The following CSMD1 variants were observed in gnomAD, a reference collection of about 807,000 sequenced individuals.
The protein encoded by CSMD1 is CUB and sushi domain-containing protein 1.
Under a neutral mutation model 417.5 loss-of-function variants are expected in CSMD1, and 213 were observed. The observed-to-expected ratio is 0.51, with a 90% CI of 0.46 to 0.57. The LOEUF (loss-of-function observed/expected upper bound fraction) is 0.57. Among genes scored for constraint, CSMD1 ranks in the 20% least tolerant of loss-of-function variants. CSMD1 has a pLI of 0.00. For synonymous variants in CSMD1, 2,862 were observed against 1,736.8 expected (o/e 1.65, Z -16.11); for missense variants, 6,923 against 4,529.7 (o/e 1.53, Z -15.17).
chr8:3,503,120 T>C (rs1030852974), intron 10 of CSMD1, among the ~76,000 whole-genome samples: 1 of 152,202 alleles, frequency 6.6e-6, no homozygotes, highest in Non-Finnish European at 1.5e-5. Flanking sequence ...CACATACCAA[T>C]AGCCCACAGT....
At chr8:4,076,024 T>A (rs1044373102) in intron 3 of CSMD1, among the ~76,000 whole-genome samples, 5 of 152,166 alleles carry the variant, frequency 3.3e-5, no homozygotes, top group African/African-American at 4.8e-5. Context: ...TTAATTCCTA[T>A]AAATATTATG....
intron 50 of CSMD1, among the ~76,000 whole-genome samples, chr8:3,049,493 G>A (rs1055162942): frequency 3.9e-5 from 6 of 152,132 alleles, no homozygotes; most frequent in Non-Finnish European, 8.8e-5. Flanking sequence ...AAGGCTAGGT[G>A]CCAGATGATT....
At chr8:4,146,912 A>G (rs1236870470) in intron 3 of CSMD1, among the ~76,000 whole-genome samples, 1 of 144,230 alleles carries the variant, frequency 6.9e-6, no homozygotes, top group Admixed American at 6.7e-5. Context: ...CGCACCGGCC[A>G]GACACACTGA....
intron 3 of CSMD1, among the ~76,000 whole-genome samples, chr8:4,076,993 T>C (rs797009866): frequency 1.3e-5 from 2 of 152,270 alleles, no homozygotes; most frequent in African/African-American, 2.4e-5. Flanking sequence ...GAAGAATAAA[T>C]TCCAGCTAAT....
At chr8:4,925,555 CT>C (rs1173211677) in intron 1 of CSMD1, among the ~76,000 whole-genome samples, 5 of 130,382 alleles carry the variant, frequency 3.8e-5, no homozygotes, top group East Asian at 2.3e-4. Context: ...TTTCTTTTTT[CT>C]TTTTTTTTGA....
intron 1 of CSMD1, among the ~76,000 whole-genome samples, chr8:4,727,084 G>A (rs1426712309): frequency 1.3e-5 from 2 of 151,970 alleles, no homozygotes; most frequent in African/African-American, 2.4e-5. Context: ...GCTTTCTACC[G>A]GCTGAGTAGG....
intron 3 of CSMD1, among the ~76,000 whole-genome samples, chr8:4,293,197 G>A (rs796820630): frequency 1.2e-4 from 19 of 152,278 alleles, no homozygotes; most frequent in African/African-American, 4.3e-4. Flanking sequence ...CACAGAGAGA[G>A]GAAGAGAGCC....
At chr8:3,394,176 A>G (rs1251151907) in intron 17 of CSMD1, among the ~76,000 whole-genome samples, 1 of 145,918 alleles carries the variant, frequency 6.9e-6, no homozygotes, top group Non-Finnish European at 1.5e-5. Flanking sequence ...GAATACCAAA[A>G]CATAGGGTAG....
intron 7 of CSMD1, among the ~76,000 whole-genome samples, chr8:3,636,632 A>G (rs1225690967): frequency 6.6e-6 from 1 of 152,180 alleles, no homozygotes; most frequent in Non-Finnish European, 1.5e-5. Flanking sequence ...CCCACCCTAC[A>G]AAACAAATCA....
At chr8:4,281,678 T>C (rs560025009) in intron 3 of CSMD1, among the ~76,000 whole-genome samples, 17 of 152,306 alleles carry the variant, frequency 1.1e-4, no homozygotes, top group African/African-American at 3.8e-4. Context: ...GTAACATCTG[T>C]ATGTGATAAC....
In CSMD1 at chr8:3,834,214, T is replaced by C. The variant is rs147243415; in HGVS notation, c.819-80172A>G. 1.7e-3 allele frequency among the ~76,000 whole-genome samples: 265 copies of C among 152,334 alleles called. 2 individuals are homozygous for C. In the East Asian group the frequency reaches 0.018, roughly 10 times the overall value. On this transcript the variant is annotated intron_variant, in intron 5 of 69. Transcript: ENST00000635120. ...TTATTTTAAAATTTTTTTTCTTTTATTTTGTAAAGAATTGCTCCTAAGGCC... is the reference window on the plus strand; with the variant it reads ...TTATTTTAAAATTTTTTTTCTTTTACTTTGTAAAGAATTGCTCCTAAGGCC...
chr8:3,899,969 T>G (rs894412717), intron 5 of CSMD1, among the ~76,000 whole-genome samples: 7 of 152,264 alleles, frequency 4.6e-5, no homozygotes, highest in Admixed American at 4.6e-4. Flanking sequence ...TGCTCTCCAC[T>G]GGGCTTGTTG....
At chr8:4,311,502 C>G (rs540232084) in intron 3 of CSMD1, among the ~76,000 whole-genome samples, 1 of 152,102 alleles carries the variant, frequency 6.6e-6, no homozygotes, top group Non-Finnish European at 1.5e-5. Flanking sequence ...TTGGGCAGAT[C>G]ACCTGAGATC....
At chr8:3,940,655 T>C (rs1231186948) in intron 5 of CSMD1, among the ~76,000 whole-genome samples, 3 of 151,962 alleles carry the variant, frequency 2.0e-5, no homozygotes, top group Middle Eastern at 3.2e-3. Flanking sequence ...TTGTTTGGGT[T>C]TCCTAGATGT....
At chr8:3,302,076 C>A (rs1423407647) in intron 25 of CSMD1, among the ~76,000 whole-genome samples, 1 of 151,974 alleles carries the variant, frequency 6.6e-6, no homozygotes, top group Admixed American at 6.6e-5. Context: ...AACAGCAGAG[C>A]ATAACACTGA....
intron 7 of CSMD1, among the ~76,000 whole-genome samples, chr8:3,647,707 T>G (rs987009346): frequency 6.6e-6 from 1 of 152,130 alleles, no homozygotes; most frequent in African/African-American, 2.4e-5. Flanking sequence ...TTGATTTTCT[T>G]TGGAGAAAAC....
chr8:3,536,390 C>G (rs996657032), intron 10 of CSMD1, among the ~76,000 whole-genome samples: 3 of 152,200 alleles, frequency 2.0e-5, no homozygotes, highest in Non-Finnish European at 4.4e-5. Context: ...ATTGATTCTA[C>G]TACGTGCAAC....
intron 3 of CSMD1, among the ~76,000 whole-genome samples, chr8:4,168,116 A>C (rs1797557250): frequency 6.6e-6 from 1 of 151,422 alleles, no homozygotes; most frequent in Non-Finnish European, 1.5e-5. Context: ...GAAAGAGAGC[A>C]AGGCTCTGTC....
At chr8:3,337,520 A>G (rs1223051008) in intron 23 of CSMD1, among the ~76,000 whole-genome samples, 2 of 152,190 alleles carry the variant, frequency 1.3e-5, no homozygotes, top group African/African-American at 2.4e-5. Context: ...AGATAGGTGT[A>G]AAGAATGACA....
Sources: gnomAD v4.1 joint callset for allele counts (sites outside exome capture counted in the v4.1 genomes callset) on GRCh38, gnomAD v4.1.1 for gene constraint, MANE v1.5 for transcripts, NCBI Gene and HGNC (gene_info 2026-07-23, HGNC 2026-07-21) for gene names.